Variants in GPRIN3 observed in about 807,000 individuals in gnomAD.
GPRIN3 encodes the protein G protein-regulated inducer of neurite outgrowth 3.
GPRIN3 carries 12 observed loss-of-function variants against 13.7 expected under a neutral mutation model. That is an observed-to-expected ratio of 0.87 (90% CI 0.56 to 1.42). The LOEUF (loss-of-function observed/expected upper bound fraction) is 1.42, where lower values mean the gene tolerates loss of function less well. Among genes scored for constraint, GPRIN3 ranks in the 40% most tolerant of loss-of-function variants. GPRIN3 has a pLI of 0.00. For missense variants in GPRIN3, 1,009 were observed against 958.7 expected (o/e 1.05, Z -0.69); for synonymous variants, 377 against 372.7 (o/e 1.01, Z -0.13).
chr4:89,261,903 G>C (rs1037354940), intron 1 of GPRIN3, among the ~76,000 whole-genome samples: 4 of 151,988 alleles, frequency 2.6e-5, no homozygotes. Context: ...CCTGAGCTTA[G>C]GAGTTCAAGA....
chr4:89,304,644 C>T (rs915957508), intron 1 of GPRIN3, among the ~76,000 whole-genome samples: 1 of 152,082 alleles, frequency 6.6e-6, no homozygotes, highest in Admixed American at 6.5e-5. Context: ...CCTTTGGGGT[C>T]TGTTTAGCCT....
Position 89,255,791 on chromosome 4 carries a change from T to A in GPRIN3, c.-123-5558A>T, listed in dbSNP as rs1367787. On this transcript the variant is annotated intron_variant, in intron 1 of 1. Transcript: ENST00000609438. ...AACACAGATGCCTAAGGTCAAGACC[T>A]GGTTGAGAAGAGGGCTCAGCAAATA... is the stretch of plus-strand genomic sequence containing the variant. Among the ~76,000 whole-genome samples, 451 of 152,048 alleles carry A rather than the reference T, an allele frequency of 3.0e-3. 2 individuals are homozygous for A. The highest frequency in any genetic ancestry group is 0.01 in the African/African-American group (433 of 41,486).
intron 1 of GPRIN3, among the ~76,000 whole-genome samples, chr4:89,277,145 T>C (rs1234157625): frequency 1.3e-5 from 2 of 152,180 alleles, no homozygotes; most frequent in Non-Finnish European, 2.9e-5. Context: ...CAGAACAATC[T>C]ATTTTCTATT....
chr4:89,262,557 C>T (rs780448132), intron 1 of GPRIN3, among the ~76,000 whole-genome samples: 10 of 152,164 alleles, frequency 6.6e-5, no homozygotes, highest in African/African-American at 4.8e-5. Context: ...TGCTGGTCTA[C>T]GCTTCAACAC....
chr4:89,269,548 A>G (rs1723872087), intron 1 of GPRIN3, among the ~76,000 whole-genome samples: 2 of 152,304 alleles, frequency 1.3e-5, no homozygotes, highest in Non-Finnish European at 1.5e-5. Flanking sequence ...CAACTGTGAA[A>G]TTTATTACAG....
rs753380768 is a variant in GPRIN3 at position 89,249,262 on chromosome 4, C to T, written c.849G>A (p.Lys283=). ...TCTGACGCTGTGCTGGCAGCGGCAC[C>T]TTCTCTGGACCTGGGGGACATGCCG... The part of the protein sequence containing the change: ...EPSACPPGPE[K]VPLPAQRQMS... The change falls in exon 2 of 2, where the codon AAG becomes AAA. Residue 283 remains lysine, a synonymous_variant. Coordinates refer to ENST00000609438, the MANE Select transcript of GPRIN3 (RefSeq NM_198281.3). The T allele has an allele frequency of 2.0e-5, 33 of 1,613,962 alleles. No homozygotes were observed. The highest frequency in any genetic ancestry group is 2.8e-5 in the Non-Finnish European group (33 of 1,180,010).
intron 1 of GPRIN3, among the ~76,000 whole-genome samples, chr4:89,289,295 C>T (rs1010638113): frequency 2.0e-5 from 3 of 151,710 alleles, no homozygotes; most frequent in Non-Finnish European, 4.4e-5. Flanking sequence ...TAATATCCAC[C>T]ACTAGATTCA....
At chr4:89,300,525 A>C (rs1724866597) in intron 1 of GPRIN3, among the ~76,000 whole-genome samples, 1 of 152,158 alleles carries the variant, frequency 6.6e-6, no homozygotes, top group African/African-American at 2.4e-5. Flanking sequence ...CTAGGCCCAC[A>C]GACTGCCAGT....
intron 1 of GPRIN3, among the ~76,000 whole-genome samples, chr4:89,297,192 C>A (rs935065169): frequency 6.6e-6 from 1 of 152,162 alleles, no homozygotes; most frequent in South Asian, 2.1e-4. Context: ...TCAGAGATTT[C>A]TTTAAAGGAG....
intron 1 of GPRIN3, among the ~76,000 whole-genome samples, chr4:89,252,415 C>A (rs1487264728): frequency 6.6e-6 from 1 of 152,124 alleles, no homozygotes; most frequent in Non-Finnish European, 1.5e-5. Context: ...TCTTTCTGAA[C>A]CCCAAATTAA....
At chr4:89,269,474 CA>C (rs935549495) in intron 1 of GPRIN3, among the ~76,000 whole-genome samples, 9 of 152,286 alleles carry the variant, frequency 5.9e-5, no homozygotes, top group Admixed American at 3.3e-4. Context: ...CTACCTCCTC[CA>C]AAAGGCTAGT....
chr4:89,248,749 C>T lies in GPRIN3; in HGVS notation c.1362G>A (p.Lys454=). ...GGGAGCTAGAATTAGTACCTGCGAG[C>T]TTTTTAGCAGTTGACTCTTCCCTCA... is the stretch of plus-strand genomic sequence containing the variant. ...TPVREESTAK[K]LAGTNSSSLK... Residue 454 remains lysine, a synonymous_variant, in exon 2 of 2, where the codon AAG becomes AAA. Transcript: ENST00000609438. 1 of 1,614,150 alleles carries T rather than the reference C, an allele frequency of 6.2e-7. No individual in the cohort carries two copies. Among genetic ancestry groups the T allele is most frequent in the Non-Finnish European group, 8.5e-7 (1 of 1,180,028 alleles).
At chr4:89,266,866 A>G (rs1268478236) in intron 1 of GPRIN3, among the ~76,000 whole-genome samples, 1 of 152,188 alleles carries the variant, frequency 6.6e-6, no homozygotes, top group Non-Finnish European at 1.5e-5. Context: ...AAGTTGAAAG[A>G]AAAACCTTAG....
intron 1 of GPRIN3, among the ~76,000 whole-genome samples, chr4:89,289,657 G>T (rs1724518915): frequency 6.6e-6 from 1 of 152,136 alleles, no homozygotes; most frequent in Non-Finnish European, 1.5e-5. Context: ...GTGGGGACTT[G>T]ATCCCAGGTC....
chr4:89,247,896 T>C lies in GPRIN3; in HGVS notation c.2215A>G (p.Thr739Ala), dbSNP rs746016527. 6 of 1,614,048 alleles carry C rather than the reference T, an allele frequency of 3.7e-6. No homozygotes were observed. The highest frequency in any genetic ancestry group is 1.3e-5 in the African/African-American group (1 of 74,936). ...CCTCTGAGCTTCTTATTTGAAGAAG[T>C]ATCTGAGGAAATGGATCTCCGGGTC... ...SQTRRSISSD[T>A]SSNKKLRGRQ... is the part of the protein sequence containing the mutation. The change falls in exon 2 of 2, where the codon ACT becomes GCT. Residue 739 changes from threonine to alanine, a missense_variant. Physicochemically the swap from Thr to Ala is moderately conservative, Grantham distance 58. Coordinates refer to ENST00000609438, the MANE Select transcript of GPRIN3 (RefSeq NM_198281.3).
In GPRIN3 at chr4:89,286,091, G is replaced by GTATATATATATATA. The variant is rs35444036; in HGVS notation, c.-124+21510_-124+21523dup. 9.2e-4 allele frequency among the ~76,000 whole-genome samples: 135 copies of GTATATATATATATA among 146,716 alleles called. 2 individuals carry two copies. The highest frequency in any genetic ancestry group is 3.3e-3 in the African/African-American group (132 of 39,756). ...TACATGTGTACGTGTATGTGTGTGT[G>GTATATATATATATA]TATATATATATATATATATATATGT... On this transcript the variant is annotated intron_variant, in intron 1 of 1. Transcript: ENST00000609438.
intron 1 of GPRIN3, among the ~76,000 whole-genome samples, chr4:89,299,683 G>A (rs1724840402): frequency 6.6e-6 from 1 of 152,116 alleles, no homozygotes; most frequent in Non-Finnish European, 1.5e-5. Context: ...CATTAACTGA[G>A]CATTTCCAGG....
chr4:89,260,016 A>T (rs1418123866), intron 1 of GPRIN3, among the ~76,000 whole-genome samples: 1 of 152,148 alleles, frequency 6.6e-6, no homozygotes, highest in Non-Finnish European at 1.5e-5. Context: ...CATGTTGGCC[A>T]GGCTGGTCTC....
rs1158489563 is a variant in GPRIN3 at position 89,245,883 on chromosome 4, T to G, written c.*1897A>C. The G allele has an allele frequency of 6.6e-6, 1 of 152,256 alleles. No homozygotes were observed. The highest frequency in any genetic ancestry group is 6.5e-5 in the Admixed American group (1 of 15,292). 9.4% of individuals were successfully genotyped at this position (152,256 alleles called of 1,614,324 possible). A position where few individuals can be genotyped will look rare whatever the true frequency, so the allele number is the denominator to read the frequency against. Reference sequence around the variant, plus strand: ...GAAATTTCAACATTACATAGTATTCTTAATAGACACCAATGGGTAAGAAAC... The same window carrying G: ...GAAATTTCAACATTACATAGTATTCGTAATAGACACCAATGGGTAAGAAAC... On this transcript the variant is annotated 3_prime_UTR_variant, in exon 2 of 2. Coordinates refer to ENST00000609438, the MANE Select transcript of GPRIN3 (RefSeq NM_198281.3).
Sources: allele counts gnomAD v4.1 joint callset (sites outside exome capture counted in the v4.1 genomes callset), GRCh38; gene constraint gnomAD v4.1.1; transcripts MANE v1.5; gene names NCBI Gene and HGNC (gene_info 2026-07-23, HGNC 2026-07-21).